CREB5: variants seen among roughly 807,000 people sequenced by gnomAD.
CREB5 encodes the protein cAMP responsive element binding protein 5.
A neutral mutation model predicts 57.1 loss-of-function variants in CREB5; 19 were observed. The ratio of observed to expected loss-of-function variants is 0.33; its 90% CI spans 0.23 to 0.49. The LOEUF is 0.49. Among genes scored for constraint, CREB5 ranks in the 20% least tolerant of loss-of-function variants. The probability of loss-of-function intolerance (pLI) is 0.99; values close to 1 mark genes in which losing one functional copy is unlikely to be tolerated. For missense variants in CREB5, 579 were observed against 671.6 expected (o/e 0.86, Z 1.52); for synonymous variants, 238 against 238.3 (o/e 1.00, Z 0.01).
rs1420521768 is a variant in CREB5 at position 28,774,382 on chromosome 7, A to G, written c.703-29817A>G. Among the ~76,000 whole-genome samples the G allele has an allele frequency of 3.9e-5, 6 of 152,314 alleles. 1 individual carries two copies. In the South Asian group the frequency reaches 8.3e-4, roughly 21 times the overall value. On this transcript the variant is annotated intron_variant, in intron 7 of 10. Coordinates refer to ENST00000357727, the MANE Select transcript of CREB5 (RefSeq NM_182898.4). ...ATTTCCTGGGCTAATAAACAGTACT[A>G]TCAAAGGCCAAATACCATTCACAAA... is the stretch of plus-strand genomic sequence containing the variant.
intron 7 of CREB5, among the ~76,000 whole-genome samples, chr7:28,780,363 C>T (rs537835925): frequency 6.6e-6 from 1 of 152,180 alleles, no homozygotes; most frequent in Non-Finnish European, 1.5e-5. Flanking sequence ...AGGAAATAGC[C>T]TTTAACTAAG....
chr7:28,699,166 CCTTT>C (rs1404613443), intron 5 of CREB5, among the ~76,000 whole-genome samples: 2 of 151,454 alleles, frequency 1.3e-5, no homozygotes, highest in Non-Finnish European at 2.9e-5. Flanking sequence ...TTCCTTTCTT[CCTTT>C]CTTCTTCTTT....
chr7:28,544,194 C>A (rs160369), intron 4 of CREB5, among the ~76,000 whole-genome samples: 117,606 of 151,868 alleles, frequency 0.77, 45,616 homozygotes, highest in South Asian at 0.81. Context: ...GGTCTCATTG[C>A]TTTATAGTTA....
At chr7:28,477,424 C>T (rs1003504287) in intron 1 of CREB5, among the ~76,000 whole-genome samples, 5 of 152,194 alleles carry the variant, frequency 3.3e-5, no homozygotes, top group African/African-American at 1.2e-4. Flanking sequence ...TCTACACTCC[C>T]CTGAGCAAAG....
chr7:28,804,160 C>A (rs1421674060), intron 7 of CREB5, 39 bp from the exon 8 acceptor site: 1 of 1,584,206 alleles, frequency 6.3e-7, no homozygotes, highest in Non-Finnish European at 8.6e-7. Flanking sequence ...ACATGACTGA[C>A]TTCAGTTGTT....
intron 1 of CREB5, among the ~76,000 whole-genome samples, chr7:28,364,149 T>G (rs956409529): frequency 1.3e-5 from 2 of 152,200 alleles, no homozygotes; most frequent in East Asian, 3.8e-4. Context: ...TATCTCACAA[T>G]GAATTTATGT....
chr7:28,342,993 T>C (rs1396295120), intron 1 of CREB5, among the ~76,000 whole-genome samples: 1 of 151,966 alleles, frequency 6.6e-6, no homozygotes, highest in Non-Finnish European at 1.5e-5. Context: ...CAGGCTGGAG[T>C]GCAGTGGCAC....
chr7:28,521,269 T>A (rs934795628), intron 4 of CREB5, among the ~76,000 whole-genome samples: 26 of 152,370 alleles, frequency 1.7e-4, no homozygotes, highest in African/African-American at 6.3e-4. Context: ...GGCCGTGGAT[T>A]GGTCTTCACT....
At chr7:28,658,989 A>ATATATATATATATATGTGTGTGT (rs1799480752) in intron 5 of CREB5, among the ~76,000 whole-genome samples, 1 of 141,386 alleles carries the variant, frequency 7.1e-6, no homozygotes, top group African/African-American at 2.5e-5. Flanking sequence ...ATGTATATAT[A>ATATATATATATATATGTGTGTGT]AGTCATAATT....
chr7:28,344,046 A>ATT (rs375288903), intron 1 of CREB5, among the ~76,000 whole-genome samples: 2 of 136,548 alleles, frequency 1.5e-5, no homozygotes, highest in South Asian at 2.4e-4. Context: ...GTTTTAATTG[A>ATT]TTTTTTTTTT....
At chr7:28,461,492 A>G (rs1032274042) in intron 1 of CREB5, among the ~76,000 whole-genome samples, 1 of 152,194 alleles carries the variant, frequency 6.6e-6, no homozygotes, top group African/African-American at 2.4e-5. Flanking sequence ...ATTTTCCTGC[A>G]TAAAAGCCTG....
chr7:28,403,954 C>T (rs902480740), intron 1 of CREB5, among the ~76,000 whole-genome samples: 1 of 152,126 alleles, frequency 6.6e-6, no homozygotes, highest in Non-Finnish European at 1.5e-5. Context: ...TTACATCCTG[C>T]ACTGCTAGTT....
At chr7:28,535,369 T>A (rs1319060570) in intron 4 of CREB5, among the ~76,000 whole-genome samples, 3 of 104,586 alleles carry the variant, frequency 2.9e-5, no homozygotes, top group East Asian at 2.5e-4. Flanking sequence ...GGAGGAAAGG[T>A]GGAAGGGAGG....
chr7:28,685,491 A>C (rs1190928889), intron 5 of CREB5, among the ~76,000 whole-genome samples: 3 of 152,102 alleles, frequency 2.0e-5, no homozygotes, highest in East Asian at 1.9e-4. Flanking sequence ...GCTCCAGGAA[A>C]AAAGGGCCCT....
At position 28,322,270 on chromosome 7, in the gene CREB5, A is replaced by G. The variant is rs147513225; in HGVS notation, c.-25+22829A>G. 8.9e-4 allele frequency among the ~76,000 whole-genome samples: 136 copies of G among 152,226 alleles called. 1 individual carries two copies. The highest frequency in any genetic ancestry group is 1.6e-3 in the Non-Finnish European group (112 of 67,998). ...AGGACTACCCACTTACTAAGTGGGT[A>G]GTCTAATTGTTTTTCTGTTTATTTA... On this transcript the variant is annotated intron_variant, in intron 1 of 9. Transcript: ENST00000396299.
chr7:28,375,894 C>T (rs544023232), intron 1 of CREB5, among the ~76,000 whole-genome samples: 1 of 152,184 alleles, frequency 6.6e-6, no homozygotes, highest in Non-Finnish European at 1.5e-5. Flanking sequence ...TAAGTACTAT[C>T]ATTACTCCCA....
intron 3 of CREB5, 143 bp from the exon 4 acceptor site, chr7:28,507,473 T>A: frequency 1.1e-6 from 1 of 951,742 alleles, no homozygotes; most frequent in Non-Finnish European, 1.5e-6. Context: ...CATATCGTTA[T>A]GTTATTTAAA....
At chr7:28,807,392 T>C (rs544083983) in intron 8 of CREB5, among the ~76,000 whole-genome samples, 1 of 152,278 alleles carries the variant, frequency 6.6e-6, no homozygotes, top group Non-Finnish European at 1.5e-5. Context: ...AAGGTTGCAG[T>C]GAACCGAAAT....
intron 1 of CREB5, among the ~76,000 whole-genome samples, chr7:28,365,418 C>T (rs1786566674): frequency 3.9e-5 from 6 of 152,210 alleles, no homozygotes; most frequent in Admixed American, 3.3e-4. Flanking sequence ...ATCACCTTTC[C>T]TCCCGGAATT....
Sources: allele counts gnomAD v4.1 joint callset (sites outside exome capture counted in the v4.1 genomes callset), GRCh38; gene constraint gnomAD v4.1.1; transcripts MANE v1.5; gene names NCBI Gene and HGNC (gene_info 2026-07-23, HGNC 2026-07-21).